The following ARHGEF4 variants were observed in gnomAD, a reference collection of about 807,000 sequenced individuals.
ARHGEF4 encodes Rho guanine nucleotide exchange factor 4.
A neutral mutation model predicts 162.0 loss-of-function variants in ARHGEF4; 119 were observed. The ratio of observed to expected loss-of-function variants is 0.73; its 90% CI spans 0.63 to 0.86. The LOEUF (loss-of-function observed/expected upper bound fraction) is 0.86, where lower values mean the gene tolerates loss of function less well. ARHGEF4 is among the 40% of genes least tolerant of loss of function. The pLI is 0.00. For missense variants in ARHGEF4, 2,488 were observed against 2,456.0 expected (o/e 1.01, Z -0.28); for synonymous variants, 1,014 against 979.9 (o/e 1.03, Z -0.65).
intron 4 of ARHGEF4, among the ~76,000 whole-genome samples, chr2:130,976,184 G>C (rs1453040225): frequency 6.6e-6 from 1 of 152,160 alleles, no homozygotes; most frequent in Non-Finnish European, 1.5e-5. Flanking sequence ...AACATCCCAG[G>C]GTGTGTGGCC....
At chr2:130,881,233 G>A (rs1679170241) in intron 1 of ARHGEF4, among the ~76,000 whole-genome samples, 1 of 151,888 alleles carries the variant, frequency 6.6e-6, no homozygotes, top group Admixed American at 6.6e-5. Flanking sequence ...CACCATGTTG[G>A]TCAGGCTGTC....
Position 130,975,901 on chromosome 2 carries a change from A to G in ARHGEF4, c.3985+29266A>G, listed in dbSNP as rs535743075. ...TGCTGAGGGAGGTGGGCAAGGAGAA[A>G]GGACGGGCGCTCAGGAGGGTTCCAC... On this transcript the variant is annotated intron_variant, in intron 4 of 13. Coordinates refer to ENST00000409359, the MANE Select transcript of ARHGEF4 (RefSeq NM_001367493.1). 2.0e-5 allele frequency among the ~76,000 whole-genome samples: 3 copies of G among 152,250 alleles called. No homozygotes were observed. The South Asian group carries it at 6.2e-4, about 32-fold the overall frequency.
At position 131,041,287 on chromosome 2, in the gene ARHGEF4, G is replaced by C. The variant is rs1190177066; in HGVS notation, c.4720G>C (p.Glu1574Gln). ...CAATAACCACCCCAACGCCTGCGTG[G>C]AGCTCTCCCGGCTCACCAAGCTCAG... ...YCNNHPNACV[E>Q]LSRLTKLSKY... The change falls in exon 9 of 14, where the codon GAG becomes CAG. Residue 1574 changes from glutamate (E) to glutamine (Q), a missense_variant. By Grantham distance (29) the Glu-to-Gln change is conservative. Coordinates refer to ENST00000409359, the MANE Select transcript of ARHGEF4 (RefSeq NM_001367493.1). 1 of 1,613,914 alleles carries C rather than the reference G, an allele frequency of 6.2e-7. No homozygotes were observed. The highest frequency in any genetic ancestry group is 8.5e-7 in the Non-Finnish European group (1 of 1,180,018).
At chr2:131,039,355 G>A in intron 6 of ARHGEF4, 1 of 1,129,908 alleles carries the variant, frequency 8.9e-7, no homozygotes, top group Non-Finnish European at 1.1e-6. Flanking sequence ...ATAGGGGACT[G>A]CTCACCTCAC....
intron 4 of ARHGEF4, among the ~76,000 whole-genome samples, chr2:130,985,804 GT>G (rs200361460): frequency 0.033 from 5,069 of 152,028 alleles, 223 homozygotes; most frequent in African/African-American, 0.11. Context: ...GTGTGTGCAT[GT>G]TTTTTGTTGT....
rs183312290 is a variant in ARHGEF4, at chr2:130,957,177, A to G, written c.3985+10542A>G. 2.2e-3 allele frequency among the ~76,000 whole-genome samples: 279 copies of G among 124,548 alleles called. 3 individuals carry two copies. The highest frequency in any genetic ancestry group is 7.8e-3 in the African/African-American group (265 of 34,108). 81.7% of individuals were successfully genotyped at this position (124,548 alleles called of 152,430 possible). ...TTAAAGGATTGTTAACAAATAAAAT[A>G]AAATAAAAAGACTAATTCTTCACAA... On this transcript the variant is annotated intron_variant, in intron 4 of 13. Coordinates refer to ENST00000409359, the MANE Select transcript of ARHGEF4 (RefSeq NM_001367493.1).
chr2:130,852,540 G>T (rs1357029345), intron 1 of ARHGEF4, among the ~76,000 whole-genome samples: 1 of 152,022 alleles, frequency 6.6e-6, no homozygotes, highest in African/African-American at 2.4e-5. Flanking sequence ...GGGGTGGGGG[G>T]GACTGTGAGC....
intron 1 of ARHGEF4, among the ~76,000 whole-genome samples, chr2:130,856,150 G>A (rs4850306): frequency 0.082 from 12,440 of 152,242 alleles, 978 homozygotes; most frequent in African/African-American, 0.2. Context: ...TGTGATAGCA[G>A]TGTCTCTTCA....
Position 131,046,351 on chromosome 2 carries a change from TTGTC to T in ARHGEF4, c.*164_*167del, listed in dbSNP as rs1691260427. On this transcript the variant is annotated 3_prime_UTR_variant, in exon 14 of 14. Transcript: ENST00000409359. ...AAGACGTGCCAGGTCTGTACTCCTG[TTGTC>T]TTTTTCCCTGCTCCTGGTGCCCTGA... The T allele has an allele frequency of 1.4e-5, 10 of 736,740 alleles. No individual in the cohort carries two copies. The East Asian group carries it at 1.9e-4, about 14-fold the overall frequency. 45.6% of individuals were successfully genotyped at this position (736,740 alleles called of 1,614,324 possible).
At chr2:130,855,182 T>C (rs1473144635) in intron 1 of ARHGEF4, among the ~76,000 whole-genome samples, 1 of 150,260 alleles carries the variant, frequency 6.7e-6, no homozygotes, top group Non-Finnish European at 1.5e-5. Context: ...GCCGGAGGAG[T>C]CTTTTTACTT....
At chr2:130,968,125 G>GT (rs982634231) in intron 4 of ARHGEF4, among the ~76,000 whole-genome samples, 1 of 152,210 alleles carries the variant, frequency 6.6e-6, no homozygotes, top group African/African-American at 2.4e-5. Flanking sequence ...AAATCACATT[G>GT]TTGGGGGAAA....
chr2:131,002,658 CGAG>C (rs1558835974), intron 4 of ARHGEF4, among the ~76,000 whole-genome samples: 1 of 137,544 alleles, frequency 7.3e-6, no homozygotes, highest in African/African-American at 2.9e-5. Context: ...TGCAGTGAGC[CGAG>C]ATCGCACCAC....
At chr2:130,973,731 T>C (rs1478380769) in intron 4 of ARHGEF4, among the ~76,000 whole-genome samples, 1 of 152,170 alleles carries the variant, frequency 6.6e-6, no homozygotes, top group Non-Finnish European at 1.5e-5. Flanking sequence ...ATTCGACAGC[T>C]CTTCCCATTC....
At chr2:131,035,136 G>A (rs1690153009) in intron 5 of ARHGEF4, 1 of 1,193,084 alleles carries the variant, frequency 8.4e-7, no homozygotes, top group African/African-American at 1.6e-5. Context: ...CGGCGCCCGG[G>A]AACGCCCTGC....
In ARHGEF4 at chr2:131,040,093, G is replaced by T. The variant is rs537814776; in HGVS notation, c.4383G>T (p.Ala1461=). The change falls in exon 7 of 14, where the codon GCG becomes GCT. Residue 1461 remains alanine (A), a synonymous_variant. Coordinates refer to ENST00000409359, the MANE Select transcript of ARHGEF4 (RefSeq NM_001367493.1). ...ACAGCGGAGCGGAGGACGGCGGGGC[G>T]GAGGCGCAGAGCAGCAAGGACCAGA... The part of the protein sequence containing the change: ...AGNSGAEDGG[A]EAQSSKDQMR... The T allele has an allele frequency of 6.2e-7, 1 of 1,609,616 alleles. No individual in the cohort carries two copies. The highest frequency in any genetic ancestry group is 2.2e-5 in the East Asian group (1 of 44,534).
intron 3 of ARHGEF4, among the ~76,000 whole-genome samples, chr2:130,936,113 C>A (rs1452070262): frequency 1.3e-5 from 2 of 151,998 alleles, no homozygotes; most frequent in Non-Finnish European, 2.9e-5. Context: ...GACTTATGGT[C>A]TTTTCTGGAG....
chr2:130,940,921 G>GCAAGAGTT, intron 3 of ARHGEF4, among the ~76,000 whole-genome samples: 1 of 151,934 alleles, frequency 6.6e-6, no homozygotes, highest in East Asian at 1.9e-4. Flanking sequence ...GAGATGGATG[G>GCAAGAGTT]CAAGAGTTGT....
intron 5 of ARHGEF4, among the ~76,000 whole-genome samples, chr2:131,030,615 G>A (rs879536689): frequency 5.3e-5 from 8 of 152,188 alleles, no homozygotes; most frequent in Non-Finnish European, 1.2e-4. Context: ...TGTCCCAGAT[G>A]GCATCCACGC....
At position 130,988,901 on chromosome 2, in the gene ARHGEF4, T is replaced by TAGAGAGAGAG. The variant is rs368452142; in HGVS notation, c.3986-39018_3986-39009dup. Among the ~76,000 whole-genome samples, 287 of 113,314 alleles carry TAGAGAGAGAG rather than the reference T, an allele frequency of 2.5e-3. 1 individual carries two copies. Among genetic ancestry groups the TAGAGAGAGAG allele is most frequent in the South Asian group, 4.5e-3 (13 of 2,866 alleles). The allele number at this position is 113,314 out of a possible 152,430, so 74.3% of individuals were successfully genotyped here. On this transcript the variant is annotated intron_variant, in intron 4 of 13. Coordinates refer to ENST00000409359, the MANE Select transcript of ARHGEF4 (RefSeq NM_001367493.1). ...ATATATATATATATATATATATATATAGAGAGAGAGAGAGAGAGAGAGAGA... is the reference window on the plus strand; with the variant it reads ...ATATATATATATATATATATATATATAGAGAGAGAGAGAGAGAGAGAGAGAGAGAGAGAGA...
Sources: allele counts gnomAD v4.1 joint callset (sites outside exome capture counted in the v4.1 genomes callset), GRCh38; gene constraint gnomAD v4.1.1; transcripts MANE v1.5; gene names NCBI Gene and HGNC (gene_info 2026-07-23, HGNC 2026-07-21).